GASK1A: variants seen among roughly 807,000 people sequenced by gnomAD.
GASK1A encodes the protein Golgi-associated kinase 1A.
GASK1A carries 40 observed loss-of-function variants against 41.2 expected under a neutral mutation model. The observed-to-expected ratio is 0.97, with a 90% CI of 0.75 to 1.27. The LOEUF is 1.27. Ranked by LOEUF, GASK1A falls within the 50% of genes most tolerant of loss-of-function variation. GASK1A has a pLI of 0.00. For synonymous variants in GASK1A, 316 were observed against 307.1 expected, an observed-to-expected ratio of 1.03 and a Z score of -0.30; for missense variants, 678 against 745.1, an observed-to-expected ratio of 0.91 and a Z score of 1.05.
intron 1 of GASK1A, among the ~76,000 whole-genome samples, chr3:42,990,539 C>T (rs1049373822): frequency 2.6e-5 from 4 of 152,056 alleles, no homozygotes; most frequent in Non-Finnish European, 4.4e-5. Context: ...GCCATGTGCC[C>T]GGCCTCCATT....
intron 3 of GASK1A, among the ~76,000 whole-genome samples, chr3:43,054,458 T>G (rs553710994): frequency 1.3e-5 from 2 of 152,312 alleles, no homozygotes; most frequent in South Asian, 2.1e-4. Flanking sequence ...GAGCAGGCAT[T>G]TCACAGATCT....
At chr3:43,053,112 T>C (rs950163803) in intron 2 of GASK1A, among the ~76,000 whole-genome samples, 2 of 152,182 alleles carry the variant, frequency 1.3e-5, no homozygotes, top group African/African-American at 4.8e-5. Flanking sequence ...ATTGAAGGAC[T>C]TGCACCTCTA....
At chr3:43,036,986 T>C in intron 2 of GASK1A, 3 of 370,062 alleles carry the variant, frequency 8.1e-6, no homozygotes, top group Non-Finnish European at 1.5e-5. Context: ...GCCACTGAGT[T>C]CATGGTAATT....
intron 2 of GASK1A, among the ~76,000 whole-genome samples, chr3:43,036,497 AGCACCGCACACAT>A (rs1373776304): frequency 6.6e-6 from 1 of 152,182 alleles, no homozygotes; most frequent in African/African-American, 2.4e-5. Context: ...ACAAAACACA[AGCACCGCACACAT>A]GCACATCTCT....
At chr3:42,995,399 A>C (rs888669055) in intron 1 of GASK1A, among the ~76,000 whole-genome samples, 3 of 152,196 alleles carry the variant, frequency 2.0e-5, no homozygotes, top group African/African-American at 7.2e-5. Flanking sequence ...CCCAAAGTAT[A>C]ACTAGAACTT....
chr3:43,024,319 C>A (rs144012422), intron 1 of GASK1A, among the ~76,000 whole-genome samples: 1 of 152,172 alleles, frequency 6.6e-6, no homozygotes, highest in Admixed American at 6.5e-5. Flanking sequence ...TTGCTCATTC[C>A]GTACTGTGAA....
intron 2 of GASK1A, among the ~76,000 whole-genome samples, chr3:43,045,737 A>G (rs1160828182): frequency 6.6e-6 from 1 of 152,164 alleles, no homozygotes; most frequent in Non-Finnish European, 1.5e-5. Context: ...AATCCCCATA[A>G]TCCCTACGTG....
At chr3:43,039,142 T>C (rs1349449235) in intron 2 of GASK1A, among the ~76,000 whole-genome samples, 2 of 151,942 alleles carry the variant, frequency 1.3e-5, no homozygotes, top group African/African-American at 4.8e-5. Flanking sequence ...TTTCTTCTCT[T>C]TTTTTAAACA....
At chr3:43,005,841 G>GCCA (rs2089433168) in intron 1 of GASK1A, among the ~76,000 whole-genome samples, 1 of 152,186 alleles carries the variant, frequency 6.6e-6, no homozygotes, top group South Asian at 2.1e-4. Flanking sequence ...TGTGTGATAA[G>GCCA]TGCTTCATTA....
At chr3:42,988,968 G>T (rs2089327035) in intron 1 of GASK1A, among the ~76,000 whole-genome samples, 2 of 152,232 alleles carry the variant, frequency 1.3e-5, no homozygotes, top group Admixed American at 1.3e-4. Context: ...AAATTCTCAA[G>T]ATATTCTGGC....
intron 1 of GASK1A, among the ~76,000 whole-genome samples, chr3:42,990,149 CTT>C (rs2089332445): frequency 6.6e-6 from 1 of 151,846 alleles, no homozygotes; most frequent in African/African-American, 2.4e-5. Context: ...GCAACATAGA[CTT>C]TTGTCTATGT....
chr3:42,979,410 A>G lies in GASK1A; in HGVS notation c.-233A>G. The G allele has an allele frequency of 2.5e-6, 1 of 407,478 alleles. No individual in the cohort carries two copies. The highest frequency in any genetic ancestry group is 4.2e-6 in the Non-Finnish European group (1 of 236,344). The allele number at this position is 407,478 out of a possible 1,614,324, so 25.2% of individuals were successfully genotyped here. A position where few individuals can be genotyped will look rare whatever the true frequency, so the allele number is the denominator to read the frequency against. Reference sequence around the variant, plus strand: ...GTAGATCTCAGTAGATCCGGCGTGTATTCCCCACCCGCGGAGTATCCCGGT... The same window carrying G: ...GTAGATCTCAGTAGATCCGGCGTGTGTTCCCCACCCGCGGAGTATCCCGGT... On this transcript the variant is annotated 5_prime_UTR_variant, in exon 1 of 5. Coordinates refer to ENST00000430121, the MANE Select transcript of GASK1A (RefSeq NM_001129908.3).
At chr3:42,985,546 C>CGTGTGT (rs56195274) in intron 1 of GASK1A, among the ~76,000 whole-genome samples, 2,529 of 134,754 alleles carry the variant, frequency 0.019, 49 homozygotes, top group African/African-American at 0.049. Context: ...CCTGTGCATA[C>CGTGTGT]GTGTGTGTGT....
At position 43,057,452 on chromosome 3, in the gene GASK1A, CCAA is replaced by C. The variant is rs1215837023; in HGVS notation, c.*1069_*1071del. On this transcript the variant is annotated 3_prime_UTR_variant, in exon 5 of 5. Transcript: ENST00000430121. ...GACTGATTATTTTTCTACACCTTCA[CCAA>C]CACTTGGCATTCTCAGACTTTTGGG... 3.3e-5 allele frequency: 5 copies of C among 150,938 alleles called. No individual in the cohort carries two copies. The highest frequency in any genetic ancestry group is 7.4e-5 in the Non-Finnish European group (5 of 67,816). 9.3% of individuals were successfully genotyped at this position (150,938 alleles called of 1,614,324 possible).
chr3:43,021,635 CATTT>C (rs1283585080), intron 1 of GASK1A, among the ~76,000 whole-genome samples: 2 of 152,150 alleles, frequency 1.3e-5, no homozygotes, highest in Admixed American at 6.5e-5. Context: ...TACTTTGACT[CATTT>C]ATTTATTGTG....
intron 1 of GASK1A, among the ~76,000 whole-genome samples, chr3:43,026,385 T>C (rs2089546949): frequency 6.6e-6 from 1 of 152,162 alleles, no homozygotes; most frequent in South Asian, 2.1e-4. Flanking sequence ...CAGTCCAGCA[T>C]CTATGCAGAG....
chr3:43,025,079 C>T (rs1031686434), intron 1 of GASK1A, among the ~76,000 whole-genome samples: 6 of 152,100 alleles, frequency 3.9e-5, no homozygotes, highest in Non-Finnish European at 7.4e-5. Flanking sequence ...AGAAGTTTAG[C>T]ATGGCTAGAG....
At chr3:43,004,194 G>A (rs1031505737) in intron 1 of GASK1A, among the ~76,000 whole-genome samples, 4 of 152,164 alleles carry the variant, frequency 2.6e-5, no homozygotes, top group Non-Finnish European at 4.4e-5. Flanking sequence ...TTAGTATTTA[G>A]CATGTCTTCA....
chr3:42,996,438 G>A (rs73832418), intron 1 of GASK1A, among the ~76,000 whole-genome samples: 2,700 of 152,222 alleles, frequency 0.018, 66 homozygotes, highest in African/African-American at 0.057. Context: ...TGTCTCTTTT[G>A]TTCATGATGT....
Sources: allele counts gnomAD v4.1 joint callset (sites outside exome capture counted in the v4.1 genomes callset), GRCh38; gene constraint gnomAD v4.1.1; transcripts MANE v1.5; gene names NCBI Gene and HGNC (gene_info 2026-07-23, HGNC 2026-07-21).